Variants in LRRFIP1 observed in about 807,000 individuals in gnomAD.
The protein encoded by LRRFIP1 is leucine-rich repeat flightless-interacting protein 1.
Under a neutral mutation model 104.4 loss-of-function variants are expected in LRRFIP1, and 62 were observed. That is an observed-to-expected ratio of 0.59 (90% CI 0.48 to 0.73). The LOEUF is 0.73. Ranked by LOEUF, LRRFIP1 falls within the 30% of genes least tolerant of loss-of-function variation. The pLI is 0.00. For synonymous variants in LRRFIP1, 300 were observed against 299.0 expected (o/e 1.00, Z -0.03); for missense variants, 796 against 824.5 (o/e 0.97, Z 0.42).
At position 237,748,307 on chromosome 2, in the gene LRRFIP1, A is replaced by G; in HGVS notation, c.634-57A>G. ...GTTTATCATTCATAGCCCCATCTTC[A>G]TGTTATCCATTTAATGCTTTTAAAG... On this transcript the variant is annotated intron_variant, in intron 11 of 23. Coordinates refer to ENST00000308482, the MANE Select transcript of LRRFIP1 (RefSeq NM_001137550.2). 3 of 1,235,286 alleles carry G rather than the reference A, an allele frequency of 2.4e-6. No homozygotes were observed. In the South Asian group the frequency reaches 3.7e-5, roughly 15 times the overall value. The allele number at this position is 1,235,286 out of a possible 1,614,324, so 76.5% of individuals were successfully genotyped here. A position where few individuals can be genotyped will look rare whatever the true frequency, so the allele number is the denominator to read the frequency against.
At chr2:237,763,935 C>A in intron 19 of LRRFIP1, 1 of 1,614,202 alleles carries the variant, frequency 6.2e-7, no homozygotes, top group Non-Finnish European at 8.5e-7. Context: ...ATTAGTGATG[C>A]CTGTGAAGCA....
intron 1 of LRRFIP1, among the ~76,000 whole-genome samples, chr2:237,647,660 G>C (rs779303715): frequency 2.0e-5 from 3 of 151,770 alleles, no homozygotes; most frequent in Admixed American, 6.5e-5. Flanking sequence ...ATCACTGCAC[G>C]CAGGGTGGAG....
At chr2:237,744,633 G>A (rs2057559891) in intron 11 of LRRFIP1, among the ~76,000 whole-genome samples, 1 of 152,256 alleles carries the variant, frequency 6.6e-6, no homozygotes, top group South Asian at 2.1e-4. Flanking sequence ...CCACAGACGT[G>A]TTTTAGAAGT....
At chr2:237,774,512 C>A (rs1005790870) in intron 23 of LRRFIP1, 50 bp downstream of exon 23, 1 of 1,228,332 alleles carries the variant, frequency 8.1e-7, no homozygotes, top group Non-Finnish European at 1.2e-6. Flanking sequence ...CAGTATTTCT[C>A]TAGTGGGGAC....
intron 14 of LRRFIP1, among the ~76,000 whole-genome samples, chr2:237,751,488 A>G (rs11694413): frequency 0.044 from 6,732 of 152,336 alleles, 229 homozygotes; most frequent in Non-Finnish European, 0.068. Context: ...ACTGCCCAGT[A>G]GAAAAGGTTA....
intron 1 of LRRFIP1, among the ~76,000 whole-genome samples, chr2:237,652,368 A>C (rs2086078793): frequency 6.6e-6 from 1 of 152,224 alleles, no homozygotes; most frequent in Admixed American, 6.5e-5. Flanking sequence ...CAGTGCCGAG[A>C]GGTCACAGAG....
Position 237,691,697 on chromosome 2 carries a change from G to C in LRRFIP1, c.97-16847G>C, listed in dbSNP as rs904229735. On this transcript the variant is annotated intron_variant, in intron 1 of 23. Transcript: ENST00000308482. The surrounding 1 kb of genome is among the most constrained non-coding windows in gnomAD (Gnocchi z 5.4). ...CCAGCCCCGGGCAGGTCCCCCCCCG[G>C]AGGGGACCCCCTCTTCGGGTCGACC... 6.6e-6 allele frequency among the ~76,000 whole-genome samples: 1 copy of C among 152,112 alleles called. No individual in the cohort carries two copies. The highest frequency in any genetic ancestry group is 1.5e-5 in the Non-Finnish European group (1 of 67,982).
chr2:237,779,519 TGTCCCAGCAGTAA>T lies in LRRFIP1; in HGVS notation c.1911_1923del (p.Ser638PhefsTer4). The T allele has an allele frequency of 6.2e-7, 1 of 1,613,308 alleles. No individual in the cohort carries two copies. The highest frequency in any genetic ancestry group is 8.5e-7 in the Non-Finnish European group (1 of 1,179,384). On this transcript the variant is annotated frameshift_variant and stop_lost, in exon 24 of 24. Transcript: ENST00000308482. LOFTEE classifies it high-confidence loss of function. Reference sequence around the variant, plus strand: ...ATGAAAGCAAATCGGAGTGCACTCTTGTCCCAGCAGTAAATTCCAGCTCTGATCAGGCAACTGG... The same window carrying T: ...ATGAAAGCAAATCGGAGTGCACTCTTATTCCAGCTCTGATCAGGCAACTGG...
At chr2:237,749,376 A>G in intron 13 of LRRFIP1, 52 bp downstream of exon 13, 1 of 1,592,318 alleles carries the variant, frequency 6.3e-7, no homozygotes, top group Non-Finnish European at 8.5e-7. Flanking sequence ...TGTAAAAATC[A>G]GTCTTTAGAT....
chr2:237,747,345 TC>T (rs1291560289), intron 11 of LRRFIP1, among the ~76,000 whole-genome samples: 2 of 152,176 alleles, frequency 1.3e-5, no homozygotes, highest in African/African-American at 2.4e-5. Context: ...TAATGAGCCT[TC>T]CTGGTGGGAC....
intron 8 of LRRFIP1, among the ~76,000 whole-genome samples, chr2:237,733,443 T>C (rs2150353844): frequency 6.6e-6 from 1 of 152,336 alleles, no homozygotes; most frequent in South Asian, 2.1e-4. Context: ...TTTGTTGCTG[T>C]TGTTGTGTTG....
intron 20 of LRRFIP1, chr2:237,770,667 C>T (rs1468846623): frequency 6.6e-6 from 1 of 152,396 alleles, no homozygotes; most frequent in Non-Finnish European, 1.5e-5. Context: ...ATGGTGCGCG[C>T]CCGTAATCCC....
intron 11 of LRRFIP1, among the ~76,000 whole-genome samples, chr2:237,740,203 G>T (rs1280133978): frequency 9.9e-5 from 15 of 151,562 alleles, no homozygotes; most frequent in Non-Finnish European, 1.5e-5. Flanking sequence ...GCCAGGAGTT[G>T]GAGATCAGTT....
intron 19 of LRRFIP1, chr2:237,764,794 C>T: frequency 1.0e-6 from 1 of 985,802 alleles, no homozygotes; most frequent in Non-Finnish European, 1.2e-6. Flanking sequence ...TGAACCGATA[C>T]TTTTGGATCT....
Position 237,723,071 on chromosome 2 carries a change from AC to A in LRRFIP1, c.346-474del, listed in dbSNP as rs758418369. Among the ~76,000 whole-genome samples the A allele has an allele frequency of 2.0e-5, 3 of 152,096 alleles. 1 individual carries two copies. The highest frequency in any genetic ancestry group is 1.3e-4 in the Admixed American group (2 of 15,266). ...TTCATTTAGCTAGAAAAAATGATAA[AC>A]CCTAAAAAAGGTGGGGAGGTGATTT... On this transcript the variant is annotated intron_variant, in intron 6 of 23. Coordinates refer to ENST00000308482, the MANE Select transcript of LRRFIP1 (RefSeq NM_001137550.2).
intron 2 of LRRFIP1, among the ~76,000 whole-genome samples, chr2:237,712,928 C>T (rs931869876): frequency 2.0e-5 from 3 of 152,226 alleles, no homozygotes; most frequent in Non-Finnish European, 2.9e-5. Context: ...GAAATGAATA[C>T]GTTTTGGAAG....
rs201565855 is a variant in LRRFIP1 at position 237,762,591 on chromosome 2, A to G, written c.1459+2386A>G. 28 of 1,578,702 alleles carry G rather than the reference A, an allele frequency of 1.8e-5. No individual in the cohort carries two copies. Among genetic ancestry groups the G allele is most frequent in the African/African-American group, 6.8e-5 (5 of 73,652 alleles). ...TCATGGGGTCCCTTCAATTTTCTCA[A>G]TGGTCTTTTAGGAAGAGCCAGTGAA... On this transcript the variant is annotated intron_variant, in intron 19 of 23. Coordinates refer to ENST00000308482, the MANE Select transcript of LRRFIP1 (RefSeq NM_001137550.2).
chr2:237,643,407 G>A (rs2084341410), intron 1 of LRRFIP1, among the ~76,000 whole-genome samples: 1 of 152,258 alleles, frequency 6.6e-6, no homozygotes, highest in South Asian at 2.1e-4. Flanking sequence ...TCTGCCTTCG[G>A]TAGACGGATG....
chr2:237,765,833 T>C (rs1300080430), intron 19 of LRRFIP1: 1 of 973,668 alleles, frequency 1.0e-6, no homozygotes, highest in Admixed American at 6.2e-5. Flanking sequence ...TAGAATTGAA[T>C]GCAAAAAGAC....
Sources: allele counts gnomAD v4.1 joint callset (sites outside exome capture counted in the v4.1 genomes callset), GRCh38; gene constraint gnomAD v4.1.1; non-coding constraint Gnocchi (gnomAD v3.1); transcripts MANE v1.5; gene names NCBI Gene and HGNC (gene_info 2026-07-23, HGNC 2026-07-21).